The following DDAH1 variants were observed in gnomAD, a reference collection of about 807,000 sequenced individuals.
DDAH1 encodes the protein dimethylarginine dimethylaminohydrolase 1.
In DDAH1, 19 loss-of-function variants were observed where a neutral mutation model predicts 28.8. The observed-to-expected ratio is 0.66, with a 90% CI of 0.46 to 0.97. DDAH1 has a LOEUF of 0.97. Among genes scored for constraint, DDAH1 ranks in the 50% least tolerant of loss-of-function variants. The pLI is 0.00. For missense variants in DDAH1, 326 were observed against 375.9 expected (o/e 0.87, Z 1.10); for synonymous variants, 153 against 154.4 (o/e 0.99, Z 0.07).
chr1:85,375,900 A>G (rs1184530015), intron 1 of DDAH1, among the ~76,000 whole-genome samples: 1 of 152,160 alleles, frequency 6.6e-6, no homozygotes, highest in Non-Finnish European at 1.5e-5. Flanking sequence ...AAAGGGAAGA[A>G]AAAACATTCA....
At chr1:85,379,923 T>C (rs1039291349) in intron 1 of DDAH1, among the ~76,000 whole-genome samples, 1 of 152,214 alleles carries the variant, frequency 6.6e-6, no homozygotes, top group African/African-American at 2.4e-5. Context: ...GCCTGAATGA[T>C]TGCAAAGCCT....
chr1:85,496,566 G>C (rs1317066511), intron 1 of DDAH1, among the ~76,000 whole-genome samples: 1 of 152,248 alleles, frequency 6.6e-6, no homozygotes, highest in East Asian at 1.9e-4. Flanking sequence ...GAAAGCAAGA[G>C]AGCAATGACA....
intron 1 of DDAH1, among the ~76,000 whole-genome samples, chr1:85,379,128 C>G (rs1338236414): frequency 6.6e-6 from 1 of 152,106 alleles, no homozygotes; most frequent in Non-Finnish European, 1.5e-5. Context: ...TCAAGGGAAC[C>G]GTATAATATT....
At chr1:85,450,275 G>C (rs116792893) in intron 1 of DDAH1, among the ~76,000 whole-genome samples, 6 of 152,122 alleles carry the variant, frequency 3.9e-5, no homozygotes, top group Non-Finnish European at 8.8e-5. Flanking sequence ...AACAACAATT[G>C]CCTGTTGAAT....
intron 1 of DDAH1, among the ~76,000 whole-genome samples, chr1:85,444,848 CA>C (rs60705521): frequency 0.1 from 15,189 of 152,098 alleles, 836 homozygotes; most frequent in Middle Eastern, 0.14. Flanking sequence ...TCTAGAGGAA[CA>C]GAACTAATGG....
chr1:85,343,244 T>C lies in DDAH1; in HGVS notation c.597+7171A>G, dbSNP rs537403288. Among the ~76,000 whole-genome samples the C allele has an allele frequency of 7.2e-4, 110 of 152,350 alleles. 1 individual carries two copies. In the Middle Eastern group the frequency reaches 0.01, roughly 14 times the overall value. ...TTCTCCTACTTGGCCAATTTTGACT[T>C]CTTCCTGCCTTGGGACTAATGCTAA... On this transcript the variant is annotated intron_variant, in intron 4 of 5. Transcript: ENST00000284031.
chr1:85,344,623 T>A (rs74997097), intron 4 of DDAH1, among the ~76,000 whole-genome samples: 6,575 of 141,670 alleles, frequency 0.046, 498 homozygotes, highest in African/African-American at 0.16. Context: ...CTTAAGAAAA[T>A]TTTTTTTTCT....
chr1:85,444,206 TGA>T (rs1212535255), intron 1 of DDAH1, among the ~76,000 whole-genome samples: 4 of 152,214 alleles, frequency 2.6e-5, no homozygotes, highest in African/African-American at 9.6e-5. Flanking sequence ...CCTAATTTAT[TGA>T]GAGTTTTTAG....
At chr1:85,561,629 G>A (rs954257674) in intron 1 of DDAH1, among the ~76,000 whole-genome samples, 4 of 151,978 alleles carry the variant, frequency 2.6e-5, no homozygotes, top group Non-Finnish European at 4.4e-5. Flanking sequence ...AGTCTCTCAC[G>A]GTTCTTACTG....
rs1266275481 is a variant in DDAH1, at chr1:85,431,696, G to A, written c.303+33047C>T. On this transcript the variant is annotated intron_variant, in intron 1 of 5. Coordinates refer to ENST00000284031, the MANE Select transcript of DDAH1 (RefSeq NM_012137.4). ...AGTAATGCATCTGACCCTATTAGGAGGCTCTTGATCTGTTACTCAGTAATC... is the reference window on the plus strand; with the variant it reads ...AGTAATGCATCTGACCCTATTAGGAAGCTCTTGATCTGTTACTCAGTAATC... Among the ~76,000 whole-genome samples, 3 of 152,212 alleles carry A rather than the reference G, an allele frequency of 2.0e-5. 1 individual carries two copies. Among genetic ancestry groups the A allele is most frequent in the Non-Finnish European group, 4.4e-5 (3 of 68,008 alleles).
chr1:85,536,596 A>ACC (rs1658286653), intron 1 of DDAH1, among the ~76,000 whole-genome samples: 1 of 151,722 alleles, frequency 6.6e-6, no homozygotes, highest in African/African-American at 2.4e-5. Context: ...TGAACAAAAA[A>ACC]ACACACACAC....
chr1:85,537,877 A>G (rs1391922236), intron 1 of DDAH1, among the ~76,000 whole-genome samples: 1 of 151,862 alleles, frequency 6.6e-6, no homozygotes, highest in Non-Finnish European at 1.5e-5. Flanking sequence ...TTATAAAAAC[A>G]GAAACAAAAA....
chr1:85,437,157 C>G (rs1653978251), intron 1 of DDAH1, among the ~76,000 whole-genome samples: 1 of 152,126 alleles, frequency 6.6e-6, no homozygotes, highest in Admixed American at 6.5e-5. Context: ...ACTGGGCAAC[C>G]TGAGCCAACA....
At chr1:85,545,746 G>C (rs1336527519) in intron 1 of DDAH1, among the ~76,000 whole-genome samples, 2 of 152,164 alleles carry the variant, frequency 1.3e-5, no homozygotes, top group South Asian at 4.1e-4. Context: ...GAGAAGAAGA[G>C]GCAGAAATGG....
intron 1 of DDAH1, among the ~76,000 whole-genome samples, chr1:85,508,386 AGC>A (rs1657100905): frequency 6.6e-6 from 1 of 152,240 alleles, no homozygotes; most frequent in Non-Finnish European, 1.5e-5. Flanking sequence ...TCTGGTCTGC[AGC>A]TTCCAGTGTG....
At chr1:85,445,304 G>A (rs772955946) in intron 1 of DDAH1, among the ~76,000 whole-genome samples, 1 of 152,170 alleles carries the variant, frequency 6.6e-6, no homozygotes, top group Non-Finnish European at 1.5e-5. Context: ...GTGCTTCAAG[G>A]AGGAGGGGCA....
At chr1:85,457,380 T>G (rs1340242193) in intron 1 of DDAH1, among the ~76,000 whole-genome samples, 1 of 152,116 alleles carries the variant, frequency 6.6e-6, no homozygotes, top group African/African-American at 2.4e-5. Flanking sequence ...TCCATGGCAC[T>G]GGGCTGAGGT....
At chr1:85,413,912 T>C (rs1652770912) in intron 1 of DDAH1, among the ~76,000 whole-genome samples, 1 of 152,254 alleles carries the variant, frequency 6.6e-6, no homozygotes, top group Non-Finnish European at 1.5e-5. Context: ...CAGAAGTGGT[T>C]ATATCTATTG....
At chr1:85,360,306 A>C (rs891085601) in intron 1 of DDAH1, among the ~76,000 whole-genome samples, 1 of 152,224 alleles carries the variant, frequency 6.6e-6, no homozygotes, top group African/African-American at 2.4e-5. Context: ...AGAACAATAA[A>C]AAATATTTCC....
Sources: gnomAD v4.1 joint callset for allele counts (sites outside exome capture counted in the v4.1 genomes callset) on GRCh38, gnomAD v4.1.1 for gene constraint, MANE v1.5 for transcripts, NCBI Gene and HGNC (gene_info 2026-07-23, HGNC 2026-07-21) for gene names.